The following RGS17 variants were observed in gnomAD, a reference collection of about 807,000 sequenced individuals.
The protein encoded by RGS17 is regulator of G protein signaling 17.
Under a neutral mutation model 25.5 loss-of-function variants are expected in RGS17, and 12 were observed. That is an observed-to-expected ratio of 0.47 (90% CI 0.30 to 0.76). The LOEUF (loss-of-function observed/expected upper bound fraction) is 0.76. Among genes scored for constraint, RGS17 ranks in the 30% least tolerant of loss-of-function variants. The pLI is 0.07. For missense variants in RGS17, 196 were observed against 242.2 expected, an observed-to-expected ratio of 0.81 and a Z score of 1.27; for synonymous variants, 71 against 76.9, an observed-to-expected ratio of 0.92 and a Z score of 0.40.
chr6:153,073,386 A>G (rs1776834462), intron 1 of RGS17, among the ~76,000 whole-genome samples: 2 of 152,140 alleles, frequency 1.3e-5, no homozygotes, highest in Non-Finnish European at 2.9e-5. Context: ...GGTGCCACAG[A>G]CATGCCTTTG....
chr6:153,081,291 T>C (rs1584148157), intron 1 of RGS17, among the ~76,000 whole-genome samples: 1 of 152,170 alleles, frequency 6.6e-6, no homozygotes, highest in African/African-American at 2.4e-5. Context: ...ATTGTTTACA[T>C]GCACATTTAT....
In RGS17 at chr6:153,029,597, C is replaced by CT. The variant is rs540546604; in HGVS notation, c.120-3055dup. Among the ~76,000 whole-genome samples, 430 of 142,068 alleles carry CT rather than the reference C, an allele frequency of 3.0e-3. 5 individuals carry two copies. Among genetic ancestry groups the CT allele is most frequent in the African/African-American group, 9.6e-3 (373 of 38,708 alleles). The allele number at this position is 142,068 out of a possible 152,430, so 93.2% of individuals were successfully genotyped here. On this transcript the variant is annotated intron_variant, in intron 2 of 4. Transcript: ENST00000206262. ...CACTTTTTTTTTTCTTTTTCTTTTTCTTTTTTTTTTTAAGACGGAGTGTTG... is the reference window on the plus strand; with the variant it reads ...CACTTTTTTTTTTCTTTTTCTTTTTCTTTTTTTTTTTTAAGACGGAGTGTTG...
At chr6:153,062,423 A>G (rs1005742670) in intron 1 of RGS17, among the ~76,000 whole-genome samples, 13 of 152,192 alleles carry the variant, frequency 8.5e-5, no homozygotes, top group Non-Finnish European at 1.9e-4. Context: ...GCCCTCCCAC[A>G]GAGGGTGTGT....
intron 4 of RGS17, among the ~76,000 whole-genome samples, chr6:153,015,219 G>T (rs1274346386): frequency 2.0e-5 from 3 of 152,218 alleles, no homozygotes; most frequent in Non-Finnish European, 4.4e-5. Flanking sequence ...GAACATTGTT[G>T]AAATGACAAC....
chr6:153,103,092 C>T (rs971336150), intron 1 of RGS17, among the ~76,000 whole-genome samples: 1 of 152,162 alleles, frequency 6.6e-6, no homozygotes, highest in Non-Finnish European at 1.5e-5. Flanking sequence ...AGACAGCACT[C>T]TTCAGTTATT....
chr6:153,011,638 A>G lies in RGS17; in HGVS notation c.569T>C (p.Phe190Ser). 1 of 1,612,972 alleles carries G rather than the reference A, an allele frequency of 6.2e-7. No homozygotes were observed. Among genetic ancestry groups the G allele is most frequent in the Non-Finnish European group, 8.5e-7 (1 of 1,179,260 alleles). ...TLMHRDSFPR[F>S]LNSQIYKSFV... Reference sequence around the variant, plus strand: ...TGACTTATAAATTTGAGAGTTCAAAAACCTTGGAAAAGAATCTCTGTGCAT... The same window carrying G: ...TGACTTATAAATTTGAGAGTTCAAAGACCTTGGAAAAGAATCTCTGTGCAT... Residue 190 changes from phenylalanine (F) to serine (S), a missense_variant, in exon 5 of 5, where the codon TTT becomes TCT. Phe to Ser is a radical substitution (Grantham distance 155). Around this residue, in one of 2 missense-constraint regions of RGS17, gnomAD observed 179 missense variants for 197.6 expected, o/e 0.91. Coordinates refer to ENST00000206262, the MANE Select transcript of RGS17 (RefSeq NM_012419.5).
At chr6:153,096,188 C>A (rs1444455048) in intron 1 of RGS17, among the ~76,000 whole-genome samples, 1 of 127,296 alleles carries the variant, frequency 7.9e-6, no homozygotes, top group African/African-American at 3.1e-5. Flanking sequence ...GGAGGGTCAG[C>A]AGGCCTGCCA....
At chr6:153,072,021 G>GT (rs1245866547) in intron 1 of RGS17, among the ~76,000 whole-genome samples, 2 of 152,078 alleles carry the variant, frequency 1.3e-5, no homozygotes, top group South Asian at 4.1e-4. Context: ...TTGATGTTAA[G>GT]TCTCCTTATT....
chr6:153,125,392 T>C (rs1032352593), intron 1 of RGS17, among the ~76,000 whole-genome samples: 4 of 152,352 alleles, frequency 2.6e-5, no homozygotes, highest in Admixed American at 1.3e-4. Context: ...TATAATTTCA[T>C]GAAAAAGCCT....
intron 1 of RGS17, among the ~76,000 whole-genome samples, chr6:153,044,949 T>C (rs1584131688): frequency 6.6e-6 from 1 of 152,218 alleles, no homozygotes; most frequent in Admixed American, 6.5e-5. Flanking sequence ...TGCAATCTAC[T>C]GAATGATGTT....
chr6:153,054,766 T>C (rs1206343265), intron 1 of RGS17, among the ~76,000 whole-genome samples: 1 of 152,184 alleles, frequency 6.6e-6, no homozygotes. Context: ...GCAAACGCTT[T>C]ATTTGCGCTC....
Position 153,014,755 on chromosome 6 carries a change from G to A in RGS17, c.445-2993C>T, listed in dbSNP as rs112196927. Among the ~76,000 whole-genome samples the A allele has an allele frequency of 5.9e-3, 890 of 149,992 alleles. 10 individuals carry two copies. The highest frequency in any genetic ancestry group is 0.021 in the African/African-American group (847 of 40,570). On this transcript the variant is annotated intron_variant, in intron 4 of 4. Coordinates refer to ENST00000206262, the MANE Select transcript of RGS17 (RefSeq NM_012419.5). The stretch of plus-strand genomic sequence containing the variant: ...AGAGCTTGCAGTGAGTCTTGATCGC[G>A]TTGCTGCACTCCAGACTGGGCTACA...
chr6:153,113,562 G>C (rs1777504365), intron 1 of RGS17, among the ~76,000 whole-genome samples: 2 of 152,150 alleles, frequency 1.3e-5, no homozygotes, highest in Non-Finnish European at 2.9e-5. Flanking sequence ...CTTCAACTCA[G>C]CTCTGGACCA....
chr6:153,103,368 A>G (rs1320905293), intron 1 of RGS17, among the ~76,000 whole-genome samples: 2 of 152,142 alleles, frequency 1.3e-5, no homozygotes, highest in Non-Finnish European at 2.9e-5. Context: ...CGATAGTTAT[A>G]TTTCCGTGAC....
chr6:153,053,971 ATATATGTATATATG>A (rs1298771885), intron 1 of RGS17, among the ~76,000 whole-genome samples: 7 of 43,710 alleles, frequency 1.6e-4, no homozygotes, highest in Admixed American at 2.6e-4. Context: ...TTATATACAT[ATATATGTATATATG>A]TATATAATAT....
chr6:153,011,331 G>T lies in RGS17; in HGVS notation c.*243C>A. The T allele has an allele frequency of 2.1e-6, 1 of 465,336 alleles. No individual in the cohort carries two copies. The highest frequency in any genetic ancestry group is 3.8e-6 in the Non-Finnish European group (1 of 261,956). The allele number at this position is 465,336 out of a possible 1,614,324, so 28.8% of individuals were successfully genotyped here. ...ATAGGACTACAAATACACTTTGCTT[G>T]CAAGTAGAATGAGTCTTGAATAAAA... On this transcript the variant is annotated 3_prime_UTR_variant, in exon 5 of 5. Transcript: ENST00000206262.
Position 153,010,150 on chromosome 6 carries a change from GTATTA to G in RGS17, c.*1419_*1423del, listed in dbSNP as rs1246755434. 2.0e-5 allele frequency: 3 copies of G among 151,604 alleles called. No homozygotes were observed. Among genetic ancestry groups the G allele is most frequent in the African/African-American group, 7.3e-5 (3 of 41,308 alleles). 9.4% of individuals were successfully genotyped at this position (151,604 alleles called of 1,614,324 possible). A position where few individuals can be genotyped will look rare whatever the true frequency, so the allele number is the denominator to read the frequency against. On this transcript the variant is annotated 3_prime_UTR_variant, in exon 5 of 5. Coordinates refer to ENST00000206262, the MANE Select transcript of RGS17 (RefSeq NM_012419.5). Reference sequence around the variant, plus strand: ...TAAAACTTTCATTTTAGGTTACTCAGTATTATATTCATTCAGTTTAATATTAAAAA... The same window carrying G: ...TAAAACTTTCATTTTAGGTTACTCAGTATTCATTCAGTTTAATATTAAAAA...
Position 153,010,038 on chromosome 6 carries a change from G to T in RGS17, c.*1536C>A, listed in dbSNP as rs1779114638. The T allele has an allele frequency of 6.6e-6, 1 of 151,252 alleles. No individual in the cohort carries two copies. Among genetic ancestry groups the T allele is most frequent in the Non-Finnish European group, 1.5e-5 (1 of 67,650 alleles). The allele number at this position is 151,252 out of a possible 1,614,324, so 9.4% of individuals were successfully genotyped here. A position where few individuals can be genotyped will look rare whatever the true frequency, so the allele number is the denominator to read the frequency against. ...ATGTTTAATAAATTAAAAAATGAGA[G>T]GTAGTTAAAAAAATGACAAAGAAAA... On this transcript the variant is annotated 3_prime_UTR_variant, in exon 5 of 5. Coordinates refer to ENST00000206262, the MANE Select transcript of RGS17 (RefSeq NM_012419.5).
intron 4 of RGS17, among the ~76,000 whole-genome samples, chr6:153,022,682 C>A (rs1334799965): frequency 6.6e-6 from 1 of 152,154 alleles, no homozygotes; most frequent in Non-Finnish European, 1.5e-5. Context: ...TTTGGATCAT[C>A]TGGTTTATTT....
Sources: allele counts gnomAD v4.1 joint callset (sites outside exome capture counted in the v4.1 genomes callset), GRCh38; gene constraint gnomAD v4.1.1; regional missense constraint gnomAD v4.1.1; transcripts MANE v1.5; gene names NCBI Gene and HGNC (gene_info 2026-07-23, HGNC 2026-07-21).